The following PFKFB3 variants were observed in gnomAD, a reference collection of about 807,000 sequenced individuals.
PFKFB3 encodes the protein 6-phosphofructo-2-kinase/fructose-2,6-bisphosphatase 3.
A neutral mutation model predicts 68.0 loss-of-function variants in PFKFB3; 33 were observed. The observed-to-expected ratio is 0.49, with a 90% CI of 0.37 to 0.65. The LOEUF is 0.65. Ranked by LOEUF, PFKFB3 falls within the 30% of genes least tolerant of loss-of-function variation. The pLI, the probability that PFKFB3 is intolerant of heterozygous loss-of-function variation, is 0.00. For synonymous variants in PFKFB3, 315 were observed against 288.2 expected (o/e 1.09, Z -0.94); for missense variants, 586 against 712.2 (o/e 0.82, Z 2.02).
the PFKFB3 span, chr10:6,293,504 C>T: frequency 5.2e-6 from 1 of 193,552 alleles, no homozygotes. Flanking sequence ...CACCACCATG[C>T]CTGGCTAATT....
chr10:6,184,902 C>T (rs914127680), intron 1 of PFKFB3, among the ~76,000 whole-genome samples: 20 of 152,012 alleles, frequency 1.3e-4, no homozygotes, highest in African/African-American at 3.9e-4. Context: ...GCCAGCCTGC[C>T]GGCCTTCCTC....
chr10:6,325,059 G>A, the PFKFB3 span, among the ~76,000 whole-genome samples: 1 of 152,050 alleles, frequency 6.6e-6, no homozygotes, highest in Non-Finnish European at 1.5e-5. Context: ...CGCCTCCCAG[G>A]CTCAGGTGAT....
chr10:6,314,690 C>A, the PFKFB3 span, among the ~76,000 whole-genome samples: 2 of 152,160 alleles, frequency 1.3e-5, no homozygotes, highest in African/African-American at 4.8e-5. Context: ...ATTCACTGAG[C>A]AAATGCTGAA....
the PFKFB3 span, among the ~76,000 whole-genome samples, chr10:6,289,851 C>T: frequency 6.6e-6 from 1 of 151,824 alleles, no homozygotes; most frequent in Non-Finnish European, 1.5e-5. Flanking sequence ...GAATGTTCTT[C>T]CATTTGTTTG....
chr10:6,183,335 C>T (rs555669073), intron 1 of PFKFB3, among the ~76,000 whole-genome samples: 18 of 152,266 alleles, frequency 1.2e-4, no homozygotes, highest in African/African-American at 3.6e-4. Context: ...CACAAATTAT[C>T]TCTAAAACAC....
At chr10:6,231,298 C>A (rs746858208) in intron 14 of PFKFB3, 14 of 1,612,366 alleles carry the variant, frequency 8.7e-6, no homozygotes, top group Non-Finnish European at 1.1e-5. Flanking sequence ...AAGTTTTCTC[C>A]TTACTAACTG....
At chr10:6,157,289 C>G (rs1421611789) in intron 1 of PFKFB3, among the ~76,000 whole-genome samples, 2 of 150,338 alleles carry the variant, frequency 1.3e-5, no homozygotes, top group Non-Finnish European at 3.0e-5. Context: ...TGCAGTGGCG[C>G]GATCTCGGCT....
chr10:6,245,645 G>T lies in PFKFB3; in HGVS notation c.1516-8533G>T, dbSNP rs117060425. On this transcript the variant is annotated intron_variant, in intron 14 of 14. Coordinates refer to the PFKFB3 transcript ENST00000640683. The stretch of plus-strand genomic sequence containing the variant: ...ATGTTGCTCCATGTTGTCCAGGCTG[G>T]TCTCAAACTCCTGGGGTCAAGTGAT... The T allele has an allele frequency of 4.6e-5, 7 of 152,098 alleles. No individual in the cohort carries two copies. In the South Asian group the frequency reaches 1.2e-3, roughly 27 times the overall value. The allele number at this position is 152,098 out of a possible 1,614,324, so 9.4% of individuals were successfully genotyped here.
At position 6,215,379 on chromosome 10, in the gene PFKFB3, G is replaced by T; in HGVS notation, c.299+62G>T. On this transcript the variant is annotated intron_variant, in intron 3 of 14. Coordinates refer to ENST00000379775, the MANE Select transcript of PFKFB3 (RefSeq NM_004566.4). The surrounding 1 kb of genome is among the most constrained non-coding windows in gnomAD (Gnocchi z 4.3). ...GAATAAGGCTGGGCCGCGGGCATAA[G>T]GCTGGGCTGCAGGAGTAAGGCTGGG... The T allele has an allele frequency of 3.1e-6, 4 of 1,303,870 alleles. No homozygotes were observed. Among genetic ancestry groups the T allele is most frequent in the Non-Finnish European group, 4.4e-6 (4 of 907,468 alleles). 80.8% of individuals were successfully genotyped at this position (1,303,870 alleles called of 1,614,324 possible).
At chr10:6,167,133 T>G (rs1220052078) in intron 1 of PFKFB3, among the ~76,000 whole-genome samples, 2 of 152,192 alleles carry the variant, frequency 1.3e-5, no homozygotes, top group Admixed American at 1.3e-4. Flanking sequence ...TAGCCTTTCT[T>G]TTTTGCAAAT....
At chr10:6,146,266 C>A in intron 1 of PFKFB3, 1 of 1,470,126 alleles carries the variant, frequency 6.8e-7, no homozygotes. Flanking sequence ...GCTACGGTTG[C>A]CTGGAGGCTG....
At chr10:6,264,033 C>T in the PFKFB3 span, among the ~76,000 whole-genome samples, 1 of 152,306 alleles carries the variant, frequency 6.6e-6, no homozygotes, top group Admixed American at 6.5e-5. Flanking sequence ...TTAGCTGTAC[C>T]TAAAACCTGC....
At chr10:6,147,810 AT>A (rs1365994411) in intron 1 of PFKFB3, among the ~76,000 whole-genome samples, 1 of 148,364 alleles carries the variant, frequency 6.7e-6, no homozygotes, top group Non-Finnish European at 1.5e-5. Context: ...CATACAGGGG[AT>A]CCTGATGGGG....
upstream of PFKFB3, among the ~76,000 whole-genome samples, chr10:6,199,303 C>T (rs915230843): frequency 1.5e-4 from 23 of 152,192 alleles, no homozygotes; most frequent in Non-Finnish European, 2.6e-4. Flanking sequence ...CACGGAAATG[C>T]GGTTGCTTGT....
rs370388643 is a variant in PFKFB3, at chr10:6,223,974, G to A, written c.1230G>A (p.Leu410=). 13 of 1,613,992 alleles carry A rather than the reference G, an allele frequency of 8.1e-6. No individual in the cohort carries two copies. Among genetic ancestry groups the A allele is most frequent in the Non-Finnish European group, 1.0e-5 (12 of 1,179,982 alleles). ...CAATTTCAGAGGAGATGCCCTACCT[G>A]AAATGCCCTCTTCACACCGTCCTGA... ...LDKSAEEMPY[L]KCPLHTVLKL... is the part of the protein sequence containing the mutation. The change falls in exon 12 of 15, where the codon CTG becomes CTA. Residue 410 remains leucine (L), a synonymous_variant. Coordinates refer to ENST00000379775, the MANE Select transcript of PFKFB3 (RefSeq NM_004566.4).
chr10:6,245,969 C>T (rs948129827), intron 14 of PFKFB3: 1 of 152,276 alleles, frequency 6.6e-6, no homozygotes, highest in African/African-American at 2.4e-5. Flanking sequence ...CTACGGCTAA[C>T]TGATAAGAAG....
At chr10:6,308,253 C>G in the PFKFB3 span, among the ~76,000 whole-genome samples, 4 of 152,294 alleles carry the variant, frequency 2.6e-5, no homozygotes, top group East Asian at 7.7e-4. Flanking sequence ...TGGCTCATGC[C>G]CATAATCCCA....
chr10:6,227,128 C>CATTAATTT (rs1323347674), intron 14 of PFKFB3, among the ~76,000 whole-genome samples: 1 of 151,784 alleles, frequency 6.6e-6, no homozygotes, highest in Non-Finnish European at 1.5e-5. Flanking sequence ...TCACTTATTT[C>CATTAATTT]ATTAATTTTG....
chr10:6,225,011 AGACCTC>A, intron 13 of PFKFB3: 1 of 410,794 alleles, frequency 2.4e-6, no homozygotes. Flanking sequence ...GCGCTTCAGG[AGACCTC>A]GAGGCCTGGC....
Sources: allele counts gnomAD v4.1 joint callset (sites outside exome capture counted in the v4.1 genomes callset), GRCh38; gene constraint gnomAD v4.1.1; non-coding constraint Gnocchi (gnomAD v3.1); transcripts MANE v1.5; gene names NCBI Gene and HGNC (gene_info 2026-07-23, HGNC 2026-07-21).